ZNF182: variants seen among roughly 807,000 people sequenced by gnomAD.
ZNF182 encodes the protein zinc finger protein 21 (KOX 14).
A neutral mutation model predicts 28.1 loss-of-function variants in ZNF182; 10 were observed. That is an observed-to-expected ratio of 0.36 (90% CI 0.22 to 0.60). The LOEUF is 0.60. Among genes scored for constraint, ZNF182 ranks in the 20% least tolerant of loss-of-function variants. The probability of loss-of-function intolerance (pLI) is 0.75; values close to 1 mark genes in which losing one functional copy is unlikely to be tolerated. For synonymous variants in ZNF182, 156 were observed against 158.7 expected (o/e 0.98, Z 0.13); for missense variants, 352 against 453.2 (o/e 0.78, Z 2.03).
At chrX:47,989,375 T>C (rs1412125386) in intron 3 of ZNF182, among the ~76,000 whole-genome samples, 1 of 106,417 alleles carries the variant, frequency 9.4e-6, no homozygotes, top group Non-Finnish European at 1.9e-5. Context: ...TGCAGTGAGC[T>C]GAGATGGCGC....
Position 47,977,236 on chromosome X carries a change from T to C in ZNF182, c.794A>G (p.His265Arg). ...ACACTCAAAGGGTCTCTCTCCTGTA[T>C]GAGTTCGCAAGTGTATAATGAGCTG... ...KSQLIIHLRT[H>R]TGERPFECPE... The change falls in exon 6 of 6, where the codon CAT becomes CGT. Residue 265 changes from histidine to arginine, a missense_variant. Physicochemically the swap from His to Arg is conservative, Grantham distance 29. Coordinates refer to ENST00000376943, the MANE Select transcript of ZNF182 (RefSeq NM_001007088.2). 8.3e-7 allele frequency: 1 copy of C among 1,209,437 alleles called. No homozygotes were observed. The highest frequency in any genetic ancestry group is 1.1e-6 in the Non-Finnish European group (1 of 894,552).
At position 47,977,474 on chromosome X, in the gene ZNF182, G is replaced by T. The variant is rs782630139; in HGVS notation, c.556C>A (p.Pro186Thr). The T allele has an allele frequency of 4.1e-6, 5 of 1,210,195 alleles. No individual in the cohort carries two copies. The highest frequency in any genetic ancestry group is 5.6e-6 in the Non-Finnish European group (5 of 895,285). The change falls in exon 6 of 6, where the codon CCC (proline) becomes ACC (threonine). Residue 186 changes from proline (P) to threonine (T), a missense_variant. Coordinates refer to ENST00000376943, the MANE Select transcript of ZNF182 (RefSeq NM_001007088.2). ...EYEKTNPGMK[P>T]YGYKECGKGL... ...TTCCCACACTCTTTATAGCCATAGG[G>T]CTTCATTCCAGGATTTGTTTTCTCA...
chrX:47,991,013 T>C (rs2058939596), intron 3 of ZNF182, among the ~76,000 whole-genome samples: 1 of 111,524 alleles, frequency 9.0e-6, no homozygotes, highest in Non-Finnish European at 1.9e-5. Context: ...AAAATGATGG[T>C]TTATGCTTGA....
chrX:47,984,947 AT>A (rs1436736918), intron 3 of ZNF182, among the ~76,000 whole-genome samples: 1 of 111,695 alleles, frequency 9.0e-6, no homozygotes, highest in African/African-American at 3.3e-5. Context: ...CTACACACCT[AT>A]TAGAATGGGG....
chrX:47,976,962 T>C lies in ZNF182; in HGVS notation c.1068A>G (p.Glu356=), dbSNP rs1556898287. ...HSTHTGKKPH[E]CNECKKTFSD... ...TGAAAGTTTTCTTACACTCATTACA[T>C]TCATGGGGTTTCTTTCCTGTATGGG... Residue 356 remains glutamate, a synonymous_variant, in exon 6 of 6, where the codon GAA becomes GAG. Coordinates refer to ENST00000376943, the MANE Select transcript of ZNF182 (RefSeq NM_001007088.2). 1 of 1,206,789 alleles carries C rather than the reference T, an allele frequency of 8.3e-7. No individual in the cohort carries two copies. The highest frequency in any genetic ancestry group is 1.1e-6 in the Non-Finnish European group (1 of 893,800).
chrX:47,977,913 GGA>G (rs202015381), intron 5 of ZNF182, 116 bp from the exon 6 acceptor site: 1 of 707,146 alleles, frequency 1.4e-6, no homozygotes, highest in Non-Finnish European at 2.0e-6. Context: ...CAGAGTTCCT[GGA>G]GAGAGAGTTT....
In ZNF182 at chrX:47,988,587, T is replaced by G. The variant is rs782042711; in HGVS notation, c.16-5176A>C. 3 of 493,942 alleles carry G rather than the reference T, an allele frequency of 6.1e-6. No individual in the cohort carries two copies. In the South Asian group the frequency reaches 8.5e-5, roughly 14 times the overall value. 40.7% of individuals were successfully genotyped at this position (493,942 alleles called of 1,213,427 possible). On this transcript the variant is annotated intron_variant, in intron 3 of 5. Coordinates refer to ENST00000376943, the MANE Select transcript of ZNF182 (RefSeq NM_001007088.2). ...CTGAGTCCTCACCAGATGCAGATGC[T>G]GGTGTCATGCTTCTTGTACAGCTTG...
intron 3 of ZNF182, among the ~76,000 whole-genome samples, chrX:47,994,976 C>T (rs1224803775): frequency 9.2e-6 from 1 of 108,594 alleles, no homozygotes; most frequent in Non-Finnish European, 1.9e-5. Context: ...TTTTAGATTC[C>T]TGAGTAGTTT....
chrX:47,985,041 A>G (rs1426950397), intron 3 of ZNF182, among the ~76,000 whole-genome samples: 1 of 111,727 alleles, frequency 9.0e-6, no homozygotes, highest in African/African-American at 3.3e-5. Flanking sequence ...ATATGTATGT[A>G]TATCTACCTT....
chrX:47,984,545 G>T (rs1371941254), intron 3 of ZNF182, among the ~76,000 whole-genome samples: 1 of 110,892 alleles, frequency 9.0e-6, no homozygotes, highest in East Asian at 2.8e-4. Flanking sequence ...TGGGTAAATT[G>T]TGGCACAATC....
chrX:47,977,383 T>G lies in ZNF182; in HGVS notation c.647A>C (p.Glu216Ala), dbSNP rs139610962. ...QRIKNGEKPF[E>A]CTACRKTFSK... Reference sequence around the variant, plus strand: ...GAAGGTTTTCCTACATGCAGTACATTCAAAGGGTTTCTCTCCATTTTTAAT... The same window carrying G: ...GAAGGTTTTCCTACATGCAGTACATGCAAAGGGTTTCTCTCCATTTTTAAT... Residue 216 changes from glutamate to alanine, a missense_variant, in exon 6 of 6, where the codon GAA becomes GCA. By Grantham distance (107) the Glu-to-Ala change is moderately radical (BLOSUM62 -1). Transcript: ENST00000376943. 2.9e-3 allele frequency: 3,450 copies of G among 1,205,691 alleles called. 7 individuals are homozygous for G. Among genetic ancestry groups the G allele is most frequent in the Non-Finnish European group, 3.4e-3 (3,057 of 893,775 alleles).
At chrX:47,978,038 G>A (rs1425676261) in intron 5 of ZNF182, among the ~76,000 whole-genome samples, 1 of 110,795 alleles carries the variant, frequency 9.0e-6, no homozygotes, top group Non-Finnish European at 1.9e-5. Context: ...TCAACTCTGC[G>A]AAACTTATAC....
At chrX:47,997,201 C>T (rs1431999957) in intron 3 of ZNF182, among the ~76,000 whole-genome samples, 1 of 107,166 alleles carries the variant, frequency 9.3e-6, no homozygotes, top group Admixed American at 1.0e-4. Flanking sequence ...TGCCTGTGGT[C>T]CCAGCTACTT....
intron 3 of ZNF182, chrX:47,988,651 T>G (rs782374839): frequency 2.9e-6 from 1 of 342,268 alleles, no homozygotes; most frequent in South Asian, 8.2e-5. Context: ...TCTTTATAAC[T>G]TTTTTTTTCT....
chrX:47,975,955 T>A lies in ZNF182; in HGVS notation c.*212A>T. 3 of 333,730 alleles carry A rather than the reference T, an allele frequency of 9.0e-6. No individual in the cohort carries two copies. The highest frequency in any genetic ancestry group is 1.5e-5 in the Non-Finnish European group (3 of 196,313). The allele number at this position is 333,730 out of a possible 1,213,427, so 27.5% of individuals were successfully genotyped here. ...TCCTCTGCCTGTGGCAGCCCTCTCA[T>A]TAGGGTTGCAGCTGTCTCCTAATTT... On this transcript the variant is annotated 3_prime_UTR_variant, in exon 6 of 6. Transcript: ENST00000376943.
Position 48,002,616 on chromosome X carries a change from CTCT to C in ZNF182, c.-10_-8del. Reference sequence around the variant, plus strand: ...TTACCTGGGGTTTGGCCATTTCCTGCTCTTCTTGGGAAAAAGCAGAGATGTGTG... The same window carrying C: ...TTACCTGGGGTTTGGCCATTTCCTGCTCTTGGGAAAAAGCAGAGATGTGTG... On this transcript the variant is annotated 5_prime_UTR_variant, in exon 3 of 6. Coordinates refer to ENST00000376943, the MANE Select transcript of ZNF182 (RefSeq NM_001007088.2). 1 of 1,210,609 alleles carries C rather than the reference CTCT, an allele frequency of 8.3e-7. No individual in the cohort carries two copies. The highest frequency in any genetic ancestry group is 1.1e-6 in the Non-Finnish European group (1 of 894,963).
intron 3 of ZNF182, 50 bp downstream of exon 3, chrX:48,002,545 G>A (rs369771196): frequency 1.7e-5 from 20 of 1,198,206 alleles, no homozygotes; most frequent in African/African-American, 5.3e-5. Flanking sequence ...CACATATTTC[G>A]TCACATCCAC....
intron 5 of ZNF182, among the ~76,000 whole-genome samples, chrX:47,982,274 T>C (rs1387176899): frequency 9.0e-6 from 1 of 111,393 alleles, no homozygotes; most frequent in Non-Finnish European, 1.9e-5. Context: ...GGCAAAACCA[T>C]AGAGACAAAA....
chrX:47,999,560 G>C (rs1187127077), intron 3 of ZNF182, among the ~76,000 whole-genome samples: 3 of 109,420 alleles, frequency 2.7e-5, no homozygotes, highest in African/African-American at 6.6e-5. Flanking sequence ...AGGCAGGGAA[G>C]GGTTGCGGGG....
Sources: allele counts gnomAD v4.1 joint callset (sites outside exome capture counted in the v4.1 genomes callset), GRCh38; gene constraint gnomAD v4.1.1; transcripts MANE v1.5; gene names NCBI Gene and HGNC (gene_info 2026-07-23, HGNC 2026-07-21).